WDR7: variants seen among roughly 807,000 people sequenced by gnomAD.
The protein encoded by WDR7 is WD repeat-containing protein 7.
In WDR7, 46 loss-of-function variants were observed where a neutral mutation model predicts 169.4. That is an observed-to-expected ratio of 0.27 (90% CI 0.21 to 0.35). The LOEUF (loss-of-function observed/expected upper bound fraction) is 0.35. WDR7 is among the 10% of genes least tolerant of loss of function. WDR7 has a pLI of 1.00. For missense variants in WDR7, 1,534 were observed against 1,859.3 expected, an observed-to-expected ratio of 0.83 and a Z score of 3.22; for synonymous variants, 612 against 666.8, an observed-to-expected ratio of 0.92 and a Z score of 1.27.
chr18:56,787,653 A>C (rs1161835770), intron 19 of WDR7, among the ~76,000 whole-genome samples: 1 of 152,134 alleles, frequency 6.6e-6, no homozygotes, highest in Non-Finnish European at 1.5e-5. Flanking sequence ...TGTTCAATGA[A>C]AGACACTCCT....
chr18:56,931,259 A>G (rs1456460018), intron 22 of WDR7, among the ~76,000 whole-genome samples: 3 of 152,210 alleles, frequency 2.0e-5, no homozygotes, highest in Non-Finnish European at 1.5e-5. Flanking sequence ...TTTCCAGAAT[A>G]AGGTTGACAC....
At chr18:56,795,345 T>C (rs2044565108) in intron 19 of WDR7, among the ~76,000 whole-genome samples, 1 of 152,154 alleles carries the variant, frequency 6.6e-6, no homozygotes, top group South Asian at 2.1e-4. Context: ...TGGGAAATTG[T>C]GTTTTAAGAT....
intron 19 of WDR7, among the ~76,000 whole-genome samples, chr18:56,799,688 CAT>C (rs1386732734): frequency 6.6e-6 from 1 of 152,132 alleles, no homozygotes; most frequent in African/African-American, 2.4e-5. Context: ...AGCCTGATAA[CAT>C]GTGGGTGTAT....
At chr18:57,019,797 A>G (rs1428427470) in intron 26 of WDR7, among the ~76,000 whole-genome samples, 2 of 152,122 alleles carry the variant, frequency 1.3e-5, no homozygotes, top group African/African-American at 4.8e-5. Context: ...AGCTGGAAGT[A>G]AACCTGTCCT....
At chr18:56,824,825 G>A (rs2045167960) in intron 20 of WDR7, among the ~76,000 whole-genome samples, 1 of 152,252 alleles carries the variant, frequency 6.6e-6, no homozygotes, top group East Asian at 1.9e-4. Context: ...TTCAAAATTA[G>A]GAGAAGGATG....
intron 26 of WDR7, among the ~76,000 whole-genome samples, chr18:56,964,048 G>A (rs1052122918): frequency 1.3e-5 from 2 of 151,628 alleles, no homozygotes; most frequent in Non-Finnish European, 2.9e-5. Context: ...ATCAGCAGAG[G>A]AAGAGTGAGG....
chr18:56,687,473 C>T (rs1434625621), intron 7 of WDR7, among the ~76,000 whole-genome samples: 7 of 152,276 alleles, frequency 4.6e-5, no homozygotes, highest in African/African-American at 1.7e-4. Flanking sequence ...CTGTGACTAG[C>T]ACTTTTTTCA....
At chr18:56,836,587 C>T (rs568597655) in intron 20 of WDR7, among the ~76,000 whole-genome samples, 407 of 152,336 alleles carry the variant, frequency 2.7e-3, no homozygotes, top group African/African-American at 9.3e-3. Flanking sequence ...CTGAAACAGA[C>T]TTAACCTCTC....
chr18:56,866,733 ATGGCAG>A (rs1395184416), intron 20 of WDR7, among the ~76,000 whole-genome samples: 1 of 152,130 alleles, frequency 6.6e-6, no homozygotes, highest in African/African-American at 2.4e-5. Context: ...TGGTGATTTT[ATGGCAG>A]TGGTGGTAGG....
At chr18:56,847,720 G>T (rs2045587370) in intron 20 of WDR7, among the ~76,000 whole-genome samples, 1 of 152,216 alleles carries the variant, frequency 6.6e-6, no homozygotes, top group East Asian at 1.9e-4. Flanking sequence ...AGCCACGCCA[G>T]CTCCAGCTGT....
At chr18:56,834,752 G>A (rs972417214) in intron 20 of WDR7, among the ~76,000 whole-genome samples, 11 of 152,274 alleles carry the variant, frequency 7.2e-5, no homozygotes, top group African/African-American at 2.4e-4. Context: ...TCTGCTAAAA[G>A]TGGAATCGTT....
chr18:56,843,293 C>T (rs2045515084), intron 20 of WDR7, among the ~76,000 whole-genome samples: 1 of 152,272 alleles, frequency 6.6e-6, no homozygotes, highest in East Asian at 1.9e-4. Context: ...CATTGTTGTT[C>T]AGCCATCACC....
intron 20 of WDR7, among the ~76,000 whole-genome samples, chr18:56,823,857 A>T (rs183014698): frequency 5.9e-4 from 89 of 151,992 alleles, no homozygotes; most frequent in African/African-American, 2.0e-3. Context: ...CCAGCCTTGC[A>T]TTTTTTCTTC....
chr18:56,773,667 A>G (rs1260269191), intron 16 of WDR7, among the ~76,000 whole-genome samples: 1 of 152,142 alleles, frequency 6.6e-6, no homozygotes, highest in Non-Finnish European at 1.5e-5. Flanking sequence ...TGAAACCTGA[A>G]CTAATGATTT....
chr18:56,718,006 T>C lies in WDR7; in HGVS notation c.1621T>C (p.Ser541Pro). ...HCICSVASDH[S>P]VGLLSLREKK... ...CATCTGCTCTGTAGCCAGTGACCACTCAGTAGGACTTCTAAGTTTGCGAGA... is the reference window on the plus strand; with the variant it reads ...CATCTGCTCTGTAGCCAGTGACCACCCAGTAGGACTTCTAAGTTTGCGAGA... The change falls in exon 13 of 28, where the codon TCA becomes CCA. Residue 541 changes from serine (S) to proline (P), a missense_variant. By Grantham distance (74) the Ser-to-Pro change is moderately conservative. Coordinates refer to ENST00000254442, the MANE Select transcript of WDR7 (RefSeq NM_015285.3). 1 of 1,614,124 alleles carries C rather than the reference T, an allele frequency of 6.2e-7. No homozygotes were observed. Among genetic ancestry groups the C allele is most frequent in the Non-Finnish European group, 8.5e-7 (1 of 1,179,984 alleles).
intron 26 of WDR7, among the ~76,000 whole-genome samples, chr18:56,998,673 T>C (rs1434165497): frequency 3.9e-5 from 6 of 152,216 alleles, no homozygotes; most frequent in Non-Finnish European, 7.3e-5. Context: ...TTAAAATCTT[T>C]GTAAAATGTC....
In WDR7 at chr18:56,824,512, T is replaced by G. The variant is rs557913315; in HGVS notation, c.3304+8368T>G. ...GAATTAATCCATAAGGTTACTCATA[T>G]TTCAAGCAGCACTCCTTATACACTG... is the stretch of plus-strand genomic sequence containing the variant. On this transcript the variant is annotated intron_variant, in intron 20 of 27. Coordinates refer to ENST00000254442, the MANE Select transcript of WDR7 (RefSeq NM_015285.3). Among the ~76,000 whole-genome samples the G allele has an allele frequency of 2.0e-5, 3 of 152,356 alleles. No individual in the cohort carries two copies. The East Asian group carries it at 5.8e-4, about 29-fold the overall frequency.
intron 13 of WDR7, among the ~76,000 whole-genome samples, chr18:56,726,483 G>T (rs1418438074): frequency 5.9e-5 from 9 of 152,168 alleles, no homozygotes; most frequent in African/African-American, 2.2e-4. Context: ...GAATGCCTGT[G>T]ATTTTTGCAC....
chr18:57,017,628 T>C (rs151222522), intron 26 of WDR7, among the ~76,000 whole-genome samples: 90 of 152,048 alleles, frequency 5.9e-4, no homozygotes, highest in African/African-American at 2.1e-3. Context: ...AACGGAACAG[T>C]GATGAGTAAA....
Sources: gnomAD v4.1 joint callset for allele counts (sites outside exome capture counted in the v4.1 genomes callset) on GRCh38, gnomAD v4.1.1 for gene constraint, MANE v1.5 for transcripts, NCBI Gene and HGNC (gene_info 2026-07-23, HGNC 2026-07-21) for gene names.